MDGA2: variants seen among roughly 807,000 people sequenced by gnomAD.
MDGA2 encodes the protein MAM domain-containing glycosylphosphatidylinositol anchor protein 2.
A neutral mutation model predicts 117.8 loss-of-function variants in MDGA2; 40 were observed. The observed-to-expected ratio is 0.34, with a 90% CI of 0.26 to 0.44. MDGA2 has a LOEUF of 0.44. MDGA2 is among the 20% of genes least tolerant of loss of function. The pLI, the probability that MDGA2 is intolerant of heterozygous loss-of-function variation, is 1.00. For missense variants in MDGA2, 1,123 were observed against 1,250.6 expected, an observed-to-expected ratio of 0.90 and a Z score of 1.54; for synonymous variants, 452 against 439.0, an observed-to-expected ratio of 1.03 and a Z score of -0.37.
At chr14:47,229,939 T>C (rs558167948) in intron 2 of MDGA2, among the ~76,000 whole-genome samples, 1 of 152,074 alleles carries the variant, frequency 6.6e-6, no homozygotes, top group South Asian at 2.1e-4. Flanking sequence ...TTACACTTAA[T>C]AATCAATATT....
intron 9 of MDGA2, among the ~76,000 whole-genome samples, chr14:46,933,834 A>ACTT (rs1884676642): frequency 1.5e-5 from 1 of 68,002 alleles, no homozygotes; most frequent in Non-Finnish European, 3.3e-5. Flanking sequence ...ATATATATAT[A>ACTT]TATATATATA....
At chr14:47,181,919 T>C (rs931925790) in intron 3 of MDGA2, among the ~76,000 whole-genome samples, 1 of 152,190 alleles carries the variant, frequency 6.6e-6, no homozygotes, top group Non-Finnish European at 1.5e-5. Context: ...ATCTGTAATT[T>C]TATTCATATT....
At position 47,004,714 on chromosome 14, in the gene MDGA2, A is replaced by C. The variant is rs143294529; in HGVS notation, c.1819+30297T>G. On this transcript the variant is annotated intron_variant, in intron 8 of 16. Transcript: ENST00000399232. ...ATATCACAATTTGCGAATAACTCATATCTCTCCATTTATTTAGGTCTTTGT... is the reference window on the plus strand; with the variant it reads ...ATATCACAATTTGCGAATAACTCATCTCTCTCCATTTATTTAGGTCTTTGT... Among the ~76,000 whole-genome samples, 86 of 151,888 alleles carry C rather than the reference A, an allele frequency of 5.7e-4. 1 individual carries two copies. In the East Asian group the frequency reaches 0.016, roughly 28 times the overall value.
intron 11 of MDGA2, among the ~76,000 whole-genome samples, chr14:46,879,579 T>A (rs888976544): frequency 2.6e-5 from 4 of 152,164 alleles, no homozygotes; most frequent in African/African-American, 9.6e-5. Context: ...TTCATTTTAG[T>A]TTGTTGCCTC....
At position 46,990,860 on chromosome 14, in the gene MDGA2, A is replaced by C. The variant is rs554211109; in HGVS notation, c.1820-33217T>G. On this transcript the variant is annotated intron_variant, in intron 8 of 16. Coordinates refer to ENST00000399232, the MANE Select transcript of MDGA2 (RefSeq NM_001113498.3). ...TAATCATATATGGATTAGAACACACACACACCCACACACACACACACACAC... is the reference window on the plus strand; with the variant it reads ...TAATCATATATGGATTAGAACACACCCACACCCACACACACACACACACAC... Among the ~76,000 whole-genome samples, 446 of 59,332 alleles carry C rather than the reference A, an allele frequency of 7.5e-3. 2 individuals are homozygous for C. Among genetic ancestry groups the C allele is most frequent in the African/African-American group, 0.027 (430 of 16,028 alleles). The allele number at this position is 59,332 out of a possible 152,430, so 38.9% of individuals were successfully genotyped here.
At chr14:47,630,003 T>TAA (rs2138220403) in intron 1 of MDGA2, among the ~76,000 whole-genome samples, 1 of 151,620 alleles carries the variant, frequency 6.6e-6, no homozygotes, top group East Asian at 2.0e-4. Context: ...TAGCAAGGTA[T>TAA]AAAAGCAAGG....
rs571491329 is a variant in MDGA2, at chr14:47,231,445, T to C, written c.421-13250A>G. Among the ~76,000 whole-genome samples, 34 of 152,204 alleles carry C rather than the reference T, an allele frequency of 2.2e-4. No homozygotes were observed. In the South Asian group the frequency reaches 6.6e-3, roughly 30 times the overall value. Reference sequence around the variant, plus strand: ...GAGCCTGTGCTCAATCTCACTTTGATGTTAAGAGACATTGACTCCAGTAGC... The same window carrying C: ...GAGCCTGTGCTCAATCTCACTTTGACGTTAAGAGACATTGACTCCAGTAGC... On this transcript the variant is annotated intron_variant, in intron 2 of 16. Transcript: ENST00000399232.
intron 1 of MDGA2, among the ~76,000 whole-genome samples, chr14:47,471,948 G>T (rs1398907969): frequency 6.6e-6 from 1 of 152,086 alleles, no homozygotes; most frequent in African/African-American, 2.4e-5. Flanking sequence ...TATATTTTCA[G>T]GGAATACTGG....
At chr14:46,929,601 G>GTGTGTATA (rs1398520996) in intron 9 of MDGA2, among the ~76,000 whole-genome samples, 4 of 12,680 alleles carry the variant, frequency 3.2e-4, no homozygotes, top group Non-Finnish European at 5.0e-4. Context: ...GTGTGTGTGT[G>GTGTGTATA]TATATATATA....
chr14:46,926,422 GAA>G (rs5808368), intron 9 of MDGA2, among the ~76,000 whole-genome samples: 34,750 of 146,702 alleles, frequency 0.24, 4,713 homozygotes, highest in South Asian at 0.42. Flanking sequence ...GCACTGATTT[GAA>G]AAAAAAAAAA....
chr14:47,018,154 T>C (rs111723473), intron 8 of MDGA2, among the ~76,000 whole-genome samples: 39 of 141,626 alleles, frequency 2.8e-4, no homozygotes, highest in Admixed American at 9.3e-4. Context: ...ACTTTTTTTT[T>C]CCCCCCGTTC....
At chr14:47,013,408 GC>G (rs1887964059) in intron 8 of MDGA2, among the ~76,000 whole-genome samples, 1 of 152,002 alleles carries the variant, frequency 6.6e-6, no homozygotes, top group African/African-American at 2.4e-5. Context: ...ACATCCTCGG[GC>G]TCTATCTTCT....
At chr14:47,441,845 A>C in intron 1 of MDGA2, among the ~76,000 whole-genome samples, 1 of 152,188 alleles carries the variant, frequency 6.6e-6, no homozygotes, top group East Asian at 1.9e-4. Context: ...ATGAGGACAA[A>C]GCTGAGAATG....
chr14:47,620,710 C>G (rs181926242), intron 1 of MDGA2, among the ~76,000 whole-genome samples: 129 of 152,140 alleles, frequency 8.5e-4, no homozygotes, highest in Non-Finnish European at 1.7e-3. Context: ...GGCTCAAATA[C>G]AGTATAAAGC....
At chr14:47,523,445 G>C (rs796120877) in intron 1 of MDGA2, among the ~76,000 whole-genome samples, 1 of 152,214 alleles carries the variant, frequency 6.6e-6, no homozygotes, top group African/African-American at 2.4e-5. Flanking sequence ...TTAGTTCTAT[G>C]TGTTAGTATG....
At chr14:47,558,851 TTAGA>T (rs1171363072) in intron 1 of MDGA2, among the ~76,000 whole-genome samples, 2 of 152,226 alleles carry the variant, frequency 1.3e-5, no homozygotes, top group African/African-American at 2.4e-5. Context: ...AGAATGCTGA[TTAGA>T]TAATTTTCTA....
At chr14:47,453,012 T>G (rs1893273449) in intron 1 of MDGA2, among the ~76,000 whole-genome samples, 1 of 152,102 alleles carries the variant, frequency 6.6e-6, no homozygotes, top group Non-Finnish European at 1.5e-5. Context: ...ATGTCACTAA[T>G]AATTTGGGGT....
chr14:47,194,597 C>T (rs1437457929), intron 3 of MDGA2, among the ~76,000 whole-genome samples: 1 of 152,036 alleles, frequency 6.6e-6, no homozygotes, highest in Non-Finnish European at 1.5e-5. Context: ...GCACTTGGAT[C>T]TGACAAAATA....
chr14:47,553,758 G>C (rs1447451012), intron 1 of MDGA2, among the ~76,000 whole-genome samples: 1 of 151,564 alleles, frequency 6.6e-6, no homozygotes, highest in Non-Finnish European at 1.5e-5. Context: ...GAAAAAATAT[G>C]GCATAAAAGT....
Sources: gnomAD v4.1 joint callset for allele counts (sites outside exome capture counted in the v4.1 genomes callset) on GRCh38, gnomAD v4.1.1 for gene constraint, MANE v1.5 for transcripts, NCBI Gene and HGNC (gene_info 2026-07-23, HGNC 2026-07-21) for gene names.